EHBP1: variants seen among roughly 807,000 people sequenced by gnomAD.
The protein encoded by EHBP1 is EH domain binding protein 1.
In EHBP1, 55 loss-of-function variants were observed where a neutral mutation model predicts 144.0. The ratio of observed to expected loss-of-function variants is 0.38; its 90% confidence interval spans 0.31 to 0.48. EHBP1 has a LOEUF of 0.48. Ranked by LOEUF, EHBP1 falls within the 20% of genes least tolerant of loss-of-function variation. EHBP1 has a pLI of 0.98. For synonymous variants in EHBP1, 469 were observed against 472.7 expected (o/e 0.99, Z 0.10); for missense variants, 1,200 against 1,364.2 (o/e 0.88, Z 1.90).
chr2:62,736,643 G>A (rs987745700), intron 2 of EHBP1, among the ~76,000 whole-genome samples: 3 of 152,094 alleles, frequency 2.0e-5, no homozygotes, highest in East Asian at 1.9e-4. Context: ...CATTTCCATC[G>A]TAGTGTTTTT....
At chr2:62,985,935 C>T (rs2059169910) in intron 15 of EHBP1, among the ~76,000 whole-genome samples, 2 of 152,162 alleles carry the variant, frequency 1.3e-5, no homozygotes, top group African/African-American at 4.8e-5. Context: ...AACTTGGTAT[C>T]TCCTCAACAT....
chr2:63,031,904 G>C (rs1239791806), intron 19 of EHBP1, among the ~76,000 whole-genome samples: 1 of 152,060 alleles, frequency 6.6e-6, no homozygotes, highest in Non-Finnish European at 1.5e-5. Context: ...ACTTCAGCCT[G>C]GGTGACAGAG....
At position 62,955,523 on chromosome 2, in the gene EHBP1, T is replaced by A; in HGVS notation, c.2323T>A (p.Leu775Met). 6.2e-7 allele frequency: 1 copy of A among 1,608,836 alleles called. No individual in the cohort carries two copies. Among genetic ancestry groups the A allele is most frequent in the South Asian group, 1.1e-5 (1 of 89,632 alleles). ...DHSSKIVQHRLLSRQEELKER... is the reference protein window; with the variant it reads ...DHSSKIVQHRMLSRQEELKER... Reference sequence around the variant, plus strand: ...CTGTATCTTTGCTTTTAAGCATCGATTGTTATCTAGACAAGAAGAACTTAA... The same window carrying A: ...CTGTATCTTTGCTTTTAAGCATCGAATGTTATCTAGACAAGAAGAACTTAA... Residue 775 changes from leucine (L) to methionine (M), a missense_variant, in exon 14 of 23, where the codon TTG (leucine) becomes ATG (methionine). By Grantham distance (15) the Leu-to-Met change is conservative. Transcript: ENST00000431489.
intron 2 of EHBP1, among the ~76,000 whole-genome samples, chr2:62,722,897 G>T (rs192325411): frequency 5.9e-5 from 9 of 152,292 alleles, no homozygotes; most frequent in Admixed American, 5.9e-4. Flanking sequence ...CAGTTCTTTT[G>T]CTCCTTGGCT....
At chr2:62,952,430 G>A (rs2057440478) in intron 13 of EHBP1, among the ~76,000 whole-genome samples, 4 of 152,254 alleles carry the variant, frequency 2.6e-5, no homozygotes, top group South Asian at 4.1e-4. Flanking sequence ...TTAATTGACA[G>A]CGTTTGTTCT....
intron 5 of EHBP1, among the ~76,000 whole-genome samples, chr2:62,821,983 T>A (rs1409150762): frequency 6.6e-6 from 1 of 152,172 alleles, no homozygotes; most frequent in Non-Finnish European, 1.5e-5. Context: ...TTACAAACAA[T>A]CCAATTCTTT....
chr2:62,917,201 C>G (rs1038611987), intron 10 of EHBP1, among the ~76,000 whole-genome samples: 2 of 152,066 alleles, frequency 1.3e-5, no homozygotes, highest in South Asian at 2.1e-4. Flanking sequence ...ATTTGTGTAT[C>G]TAAACATGAA....
chr2:62,695,251 C>A (rs1458515582), intron 1 of EHBP1, among the ~76,000 whole-genome samples: 1 of 152,118 alleles, frequency 6.6e-6, no homozygotes, highest in Admixed American at 6.5e-5. Flanking sequence ...GTCCCAACTA[C>A]TCGGGAGGCT....
At chr2:62,735,444 C>T (rs1222800806) in intron 2 of EHBP1, among the ~76,000 whole-genome samples, 2 of 152,010 alleles carry the variant, frequency 1.3e-5, no homozygotes, top group Non-Finnish European at 2.9e-5. Flanking sequence ...TGCTGTCATT[C>T]ATTTCACTTA....
At chr2:62,757,815 T>A (rs1475059880) in intron 3 of EHBP1, among the ~76,000 whole-genome samples, 1 of 152,124 alleles carries the variant, frequency 6.6e-6, no homozygotes, top group Admixed American at 6.5e-5. Flanking sequence ...TTTTTATTTT[T>A]AAAAATTTAG....
At chr2:62,787,394 GC>G (rs72201800) in intron 5 of EHBP1, among the ~76,000 whole-genome samples, 16,208 of 70,418 alleles carry the variant, frequency 0.23, 2,037 homozygotes, top group Middle Eastern at 0.49. Flanking sequence ...CTGCACCGCT[GC>G]CCCCCCCCCC....
intron 19 of EHBP1, among the ~76,000 whole-genome samples, chr2:62,999,723 A>G (rs549622515): frequency 4.9e-4 from 74 of 152,270 alleles, no homozygotes; most frequent in Admixed American, 4.6e-4. Flanking sequence ...TTATTCATTC[A>G]TCTGTTGATG....
intron 19 of EHBP1, among the ~76,000 whole-genome samples, chr2:63,013,919 C>T (rs1469584069): frequency 4.6e-5 from 7 of 152,222 alleles, no homozygotes; most frequent in Admixed American, 3.3e-4. Context: ...ATATCAATGA[C>T]ACCTTCAGCC....
At chr2:62,998,263 A>C (rs925159984) in intron 19 of EHBP1, among the ~76,000 whole-genome samples, 2 of 152,016 alleles carry the variant, frequency 1.3e-5, no homozygotes, top group African/African-American at 4.8e-5. Flanking sequence ...TCTTATACCT[A>C]TATACTTGTG....
chr2:62,712,517 G>T (rs987507817), intron 2 of EHBP1, among the ~76,000 whole-genome samples: 4 of 152,200 alleles, frequency 2.6e-5, no homozygotes, highest in African/African-American at 9.7e-5. Context: ...ACTGTGTTCA[G>T]TGCTTTGGTG....
chr2:62,746,381 T>C (rs1431639322), intron 2 of EHBP1, among the ~76,000 whole-genome samples: 1 of 151,888 alleles, frequency 6.6e-6, no homozygotes, highest in Non-Finnish European at 1.5e-5. Context: ...AGGCCTCTTA[T>C]GTGTGTGTAT....
intron 5 of EHBP1, among the ~76,000 whole-genome samples, chr2:62,813,682 C>G (rs1158818525): frequency 2.6e-5 from 4 of 152,174 alleles, no homozygotes; most frequent in African/African-American, 9.7e-5. Flanking sequence ...CTCATGTGCC[C>G]CAGTGTGCCT....
chr2:62,773,220 C>A (rs894822448), intron 5 of EHBP1, among the ~76,000 whole-genome samples: 5 of 152,124 alleles, frequency 3.3e-5, no homozygotes, highest in African/African-American at 1.2e-4. Flanking sequence ...TGGGGTAGAT[C>A]TCCCTCTTCA....
chr2:63,000,722 CTA>C (rs2059816871), intron 19 of EHBP1, among the ~76,000 whole-genome samples: 1 of 152,036 alleles, frequency 6.6e-6, no homozygotes, highest in Non-Finnish European at 1.5e-5. Flanking sequence ...ACAACAAAAA[CTA>C]TATTTCAAGG....
Sources: allele counts gnomAD v4.1 joint callset (sites outside exome capture counted in the v4.1 genomes callset), GRCh38; gene constraint gnomAD v4.1.1; transcripts MANE v1.5; gene names NCBI Gene and HGNC (gene_info 2026-07-23, HGNC 2026-07-21).